ABCA4: variants seen among roughly 807,000 people sequenced by gnomAD.
ABCA4 encodes the protein retinal-specific phospholipid-transporting ATPase ABCA4.
A neutral mutation model predicts 263.7 loss-of-function variants in ABCA4; 196 were observed. The ratio of observed to expected loss-of-function variants is 0.74; its 90% confidence interval spans 0.66 to 0.84. The LOEUF (loss-of-function observed/expected upper bound fraction) is 0.84. Among genes scored for constraint, ABCA4 ranks in the 40% least tolerant of loss-of-function variants. The pLI is 0.00. For synonymous variants in ABCA4, 1,133 were observed against 1,094.2 expected, an observed-to-expected ratio of 1.04 and a Z score of -0.70; for missense variants, 2,792 against 2,855.1, an observed-to-expected ratio of 0.98 and a Z score of 0.50.
At chr1:94,000,719 C>T (rs1354982946) in intron 47 of ABCA4, 117 bp downstream of exon 47, 3 of 1,108,092 alleles carry the variant, frequency 2.7e-6, no homozygotes, top group East Asian at 4.7e-5. Flanking sequence ...CAGCCACCAC[C>T]TGCCTCTGCC....
chr1:94,068,958 C>T lies in ABCA4; in HGVS notation c.1555-5641G>A, dbSNP rs113863658. Among the ~76,000 whole-genome samples, 884 of 152,344 alleles carry T rather than the reference C, an allele frequency of 5.8e-3. 4 individuals carry two copies. The highest frequency in any genetic ancestry group is 0.018 in the Admixed American group (275 of 15,306). ...AAAGCAAGGAAAGGGCTTTCCTCCT[C>T]CCCTTTAGTTTCCTAACTGCTGTGG... On this transcript the variant is annotated intron_variant, in intron 11 of 49. Transcript: ENST00000370225.
chr1:94,021,619 G>C (rs945178735), intron 34 of ABCA4, 21 bp downstream of exon 34: 3 of 1,601,560 alleles, frequency 1.9e-6, no homozygotes, highest in Middle Eastern at 3.7e-4. Flanking sequence ...CTCCAGAGCA[G>C]ATTATACATA....
chr1:94,023,489 C>G, intron 31 of ABCA4, 71 bp from the exon 32 acceptor site: 1 of 1,335,514 alleles, frequency 7.5e-7, no homozygotes, highest in Non-Finnish European at 1.1e-6. Flanking sequence ...CTTTCCCAAA[C>G]ATTCATTTTG....
At position 94,048,963 on chromosome 1, in the gene ABCA4, C is replaced by T. The variant is rs759220318; in HGVS notation, c.2654-6G>A. Reference sequence around the variant, plus strand: ...TTCTTCTCTGGTTGAACACCCTGCACCAATCAGAAGCCAGTGTTACTCTAC... The same window carrying T: ...TTCTTCTCTGGTTGAACACCCTGCATCAATCAGAAGCCAGTGTTACTCTAC... On this transcript the variant is annotated splice_polypyrimidine_tract_variant and splice_region_variant and intron_variant, in intron 17 of 49. Coordinates refer to ENST00000370225, the MANE Select transcript of ABCA4 (RefSeq NM_000350.3). The T allele has an allele frequency of 6.8e-5, 109 of 1,613,726 alleles. No individual in the cohort carries two copies. The highest frequency in any genetic ancestry group is 9.2e-5 in the Non-Finnish European group (108 of 1,179,860).
chr1:94,044,322 G>A (rs1020121991), intron 20 of ABCA4, among the ~76,000 whole-genome samples: 2 of 152,178 alleles, frequency 1.3e-5, no homozygotes, highest in African/African-American at 2.4e-5. Context: ...GTACTTCAGG[G>A]CTGCACAAGG....
chr1:94,093,670 C>T (rs1662036765), intron 6 of ABCA4, among the ~76,000 whole-genome samples: 1 of 152,106 alleles, frequency 6.6e-6, no homozygotes, highest in Non-Finnish European at 1.5e-5. Context: ...TCTGATCTGT[C>T]ATGAAAATAA....
intron 44 of ABCA4, among the ~76,000 whole-genome samples, chr1:94,002,666 G>A (rs1659224679): frequency 6.6e-6 from 1 of 152,138 alleles, no homozygotes; most frequent in Non-Finnish European, 1.5e-5. Context: ...CCCCGTGCCT[G>A]GAATGTTCCT....
At chr1:93,997,745 G>T in intron 48 of ABCA4, 116 bp downstream of exon 48, 1 of 1,363,922 alleles carries the variant, frequency 7.3e-7, no homozygotes, top group Non-Finnish European at 1.0e-6. Flanking sequence ...TAAACAGAGG[G>T]CAAGAGTTTG....
intron 20 of ABCA4, among the ~76,000 whole-genome samples, chr1:94,043,952 T>C (rs1209602870): frequency 1.3e-5 from 2 of 152,092 alleles, no homozygotes; most frequent in East Asian, 3.9e-4. Context: ...TGACTTTTAT[T>C]TTCAATTTTT....
Position 94,112,041 on chromosome 1 carries a change from G to C in ABCA4, c.161-462C>G, listed in dbSNP as rs75578021. 7.9e-3 allele frequency among the ~76,000 whole-genome samples: 1,200 copies of C among 152,336 alleles called. 5 individuals are homozygous for C. The highest frequency in any genetic ancestry group is 0.013 in the Non-Finnish European group (911 of 68,032). On this transcript the variant is annotated intron_variant, in intron 2 of 49. Coordinates refer to ENST00000370225, the MANE Select transcript of ABCA4 (RefSeq NM_000350.3). ...GAGGTAAAGAAGAGTCTGATGGACA[G>C]GAGGCTGATTCAGAACTGGGGCCTG...
At chr1:94,112,028 A>G (rs960955594) in intron 2 of ABCA4, among the ~76,000 whole-genome samples, 1 of 152,196 alleles carries the variant, frequency 6.6e-6, no homozygotes, top group African/African-American at 2.4e-5. Context: ...GGTAAAGAAG[A>G]GTCTGATGGA....
At chr1:94,097,898 C>T (rs547632769) in intron 6 of ABCA4, among the ~76,000 whole-genome samples, 6 of 152,204 alleles carry the variant, frequency 3.9e-5, no homozygotes, top group Middle Eastern at 3.4e-3. Flanking sequence ...TACAGGCGCC[C>T]GCCACCACAC....
rs200965081 is a variant in ABCA4 at position 94,031,934 on chromosome 1, C to A, written c.3972G>T (p.Ala1324=). 1.2e-6 allele frequency: 2 copies of A among 1,614,082 alleles called. No individual in the cohort carries two copies. The highest frequency in any genetic ancestry group is 1.7e-6 in the Non-Finnish European group (2 of 1,180,014). ...GCTGGCCCTCTGGGTGAGCAGCCGGCGCCCCTGGGGAGCAGACATTGGAGT... is the reference window on the plus strand; with the variant it reads ...GCTGGCCCTCTGGGTGAGCAGCCGGAGCCCCTGGGGAGCAGACATTGGAGT... ...PQDSNVCSPG[A]PAAHPEGQPP... Residue 1324 remains alanine (A), a synonymous_variant, in exon 27 of 50, where the codon GCG becomes GCT. Transcript: ENST00000370225.
intron 44 of ABCA4, 59 bp from the exon 45 acceptor site, chr1:94,002,051 C>A (rs916401031): frequency 1.2e-6 from 2 of 1,612,516 alleles, no homozygotes; most frequent in East Asian, 4.5e-5. Flanking sequence ...AAACCTCCCC[C>A]AGTTCAAAGC....
intron 17 of ABCA4, 89 bp from the exon 18 acceptor site, chr1:94,049,046 A>G (rs953901690): frequency 9.2e-6 from 12 of 1,298,424 alleles, no homozygotes; most frequent in Non-Finnish European, 1.3e-5. Context: ...CAGGGAGCAA[A>G]TGAGTTTCCT....
At chr1:94,011,125 C>T (rs1659534399) in intron 39 of ABCA4, 137 bp downstream of exon 39, 2 of 1,549,688 alleles carry the variant, frequency 1.3e-6, no homozygotes, top group African/African-American at 1.4e-5. Flanking sequence ...TCCTCTCCAG[C>T]TGGCAGGACA....
At chr1:94,115,316 C>T (rs1291131974) in intron 1 of ABCA4, among the ~76,000 whole-genome samples, 1 of 152,204 alleles carries the variant, frequency 6.6e-6, no homozygotes, top group African/African-American at 2.4e-5. Context: ...GGCTGTCTTC[C>T]ATGCGGCAAC....
chr1:94,107,015 G>A (rs1002049883), intron 4 of ABCA4, among the ~76,000 whole-genome samples: 9 of 152,176 alleles, frequency 5.9e-5, no homozygotes, highest in African/African-American at 2.2e-4. Context: ...ACTGAAGGTC[G>A]ACTGAATGTT....
At chr1:94,107,416 C>T (rs1035075074) in intron 4 of ABCA4, among the ~76,000 whole-genome samples, 3 of 152,202 alleles carry the variant, frequency 2.0e-5, no homozygotes, top group African/African-American at 7.2e-5. Context: ...AAGTGGGATC[C>T]AGTGGCCATG....
Sources: allele counts gnomAD v4.1 joint callset (sites outside exome capture counted in the v4.1 genomes callset), GRCh38; gene constraint gnomAD v4.1.1; transcripts MANE v1.5; gene names NCBI Gene and HGNC (gene_info 2026-07-23, HGNC 2026-07-21).